SEMA5A: variants seen among roughly 807,000 people sequenced by gnomAD.
The protein encoded by SEMA5A is semaphorin-5A.
SEMA5A carries 55 observed loss-of-function variants against 135.5 expected under a neutral mutation model. That is an observed-to-expected ratio of 0.41 (90% confidence interval 0.33 to 0.51). The LOEUF is 0.51. SEMA5A is among the 20% of genes least tolerant of loss of function. The pLI is 0.37. For missense variants in SEMA5A, 1,290 were observed against 1,419.9 expected (o/e 0.91, Z 1.47); for synonymous variants, 580 against 546.5 (o/e 1.06, Z -0.85).
rs1400996548 is a variant in SEMA5A, at chr5:9,239,928, C to G, written c.271-2038G>C. 3.3e-5 allele frequency among the ~76,000 whole-genome samples: 5 copies of G among 152,048 alleles called. No homozygotes were observed. In the East Asian group the frequency reaches 9.7e-4, roughly 29 times the overall value. ...AGGGCTAAGGAAGAAGAATATTTACCAAATGCCATCAAAATTGTTCAGATC... is the reference window on the plus strand; with the variant it reads ...AGGGCTAAGGAAGAAGAATATTTACGAAATGCCATCAAAATTGTTCAGATC... On this transcript the variant is annotated intron_variant, in intron 5 of 22. Coordinates refer to ENST00000382496, the MANE Select transcript of SEMA5A (RefSeq NM_003966.3).
At chr5:9,438,654 C>G (rs1395292468) in intron 1 of SEMA5A, among the ~76,000 whole-genome samples, 1 of 152,140 alleles carries the variant, frequency 6.6e-6, no homozygotes, top group Non-Finnish European at 1.5e-5. Flanking sequence ...ATGCTTTTTT[C>G]TGTTCTCTTC....
At chr5:9,512,959 C>T (rs1736289564) in intron 1 of SEMA5A, among the ~76,000 whole-genome samples, 1 of 151,398 alleles carries the variant, frequency 6.6e-6, no homozygotes, top group South Asian at 2.1e-4. Flanking sequence ...AGTTCTGTGC[C>T]AAAGCAAGGA....
At chr5:9,353,087 AGGAAAGGAAGGAAG>A (rs1561176584) in intron 3 of SEMA5A, among the ~76,000 whole-genome samples, 1 of 15,284 alleles carries the variant, frequency 6.5e-5, no homozygotes, top group African/African-American at 2.1e-4. Context: ...AGGAAAGGAA[AGGAAAGGAAGGAAG>A]GAAAGGAAAG....
chr5:9,078,703 T>C (rs1738206119), intron 16 of SEMA5A, among the ~76,000 whole-genome samples: 1 of 152,038 alleles, frequency 6.6e-6, no homozygotes. Flanking sequence ...TACAGACACA[T>C]AAACATACTT....
At position 9,057,235 on chromosome 5, in the gene SEMA5A, G is replaced by A. The variant is rs955230360; in HGVS notation, c.2519-2978C>T. 1.8e-4 allele frequency among the ~76,000 whole-genome samples: 27 copies of A among 152,218 alleles called. 1 individual carries two copies. The highest frequency in any genetic ancestry group is 5.9e-4 in the Admixed American group (9 of 15,290). On this transcript the variant is annotated intron_variant, in intron 18 of 22. Transcript: ENST00000382496. ...TTGTATACCTATACTTAACAATACC[G>A]TATTGTGCACTCAAAAATCTGTTAA... is the stretch of plus-strand genomic sequence containing the variant.
intron 11 of SEMA5A, among the ~76,000 whole-genome samples, chr5:9,158,182 T>C (rs1468757016): frequency 6.6e-6 from 1 of 152,210 alleles, no homozygotes; most frequent in South Asian, 2.1e-4. Flanking sequence ...CCACATTTGC[T>C]AAAGAGCGCT....
intron 16 of SEMA5A, among the ~76,000 whole-genome samples, chr5:9,080,302 A>G (rs1327484387): frequency 6.6e-6 from 1 of 152,200 alleles, no homozygotes; most frequent in African/African-American, 2.4e-5. Flanking sequence ...ACAAGAACAG[A>G]AAACCTAACA....
chr5:9,055,533 T>A (rs923378698), intron 18 of SEMA5A, among the ~76,000 whole-genome samples: 3 of 152,246 alleles, frequency 2.0e-5, no homozygotes, highest in Admixed American at 6.5e-5. Context: ...CCTGTCATGA[T>A]GTATTACATC....
chr5:9,092,604 A>G (rs886362831), intron 16 of SEMA5A, among the ~76,000 whole-genome samples: 2 of 152,246 alleles, frequency 1.3e-5, no homozygotes, highest in Admixed American at 6.5e-5. Flanking sequence ...TAATTTAAGA[A>G]TATGAACAGG....
chr5:9,268,974 T>G (rs1392146821), intron 5 of SEMA5A, among the ~76,000 whole-genome samples: 1 of 152,152 alleles, frequency 6.6e-6, no homozygotes, highest in Non-Finnish European at 1.5e-5. Flanking sequence ...ATACAACATT[T>G]ACATCGTACA....
chr5:9,376,849 T>A (rs543180483), intron 3 of SEMA5A, among the ~76,000 whole-genome samples: 5 of 152,318 alleles, frequency 3.3e-5, no homozygotes, highest in Admixed American at 2.0e-4. Context: ...GAATGCAAAG[T>A]GGTGCAACCT....
intron 5 of SEMA5A, among the ~76,000 whole-genome samples, chr5:9,288,372 A>C (rs1178234910): frequency 6.6e-6 from 1 of 152,170 alleles, no homozygotes; most frequent in Non-Finnish European, 1.5e-5. Flanking sequence ...CAGGTAACCC[A>C]GTGGCAGCCA....
intron 1 of SEMA5A, among the ~76,000 whole-genome samples, chr5:9,463,477 G>A (rs187688927): frequency 6.6e-6 from 1 of 152,068 alleles, no homozygotes; most frequent in Admixed American, 6.5e-5. Context: ...ACTGTCAGTG[G>A]CAATCATTCT....
At chr5:9,279,407 G>A (rs1408927784) in intron 5 of SEMA5A, among the ~76,000 whole-genome samples, 1 of 152,142 alleles carries the variant, frequency 6.6e-6, no homozygotes, top group Non-Finnish European at 1.5e-5. Flanking sequence ...TAGGTGGAAG[G>A]GACTTGGCTT....
intron 5 of SEMA5A, among the ~76,000 whole-genome samples, chr5:9,266,301 A>G (rs1749680931): frequency 6.6e-6 from 1 of 151,878 alleles, no homozygotes; most frequent in African/African-American, 2.4e-5. Flanking sequence ...CTTCTGTGCT[A>G]AGTATCTTAT....
intron 3 of SEMA5A, among the ~76,000 whole-genome samples, chr5:9,343,049 G>C (rs1205727): frequency 1 from 152,310 of 152,354 alleles, 76,133 homozygotes; most frequent in Non-Finnish European, 1. Flanking sequence ...AAATCACTAC[G>C]CACTCAGTTT....
intron 5 of SEMA5A, among the ~76,000 whole-genome samples, chr5:9,288,006 CTT>C (rs1008787932): frequency 8.6e-5 from 13 of 151,104 alleles, no homozygotes; most frequent in African/African-American, 2.4e-4. Context: ...TTCAAAAACA[CTT>C]ATGGATTAAG....
intron 5 of SEMA5A, among the ~76,000 whole-genome samples, chr5:9,313,755 C>G (rs74743748): frequency 0.013 from 2,024 of 152,158 alleles, 49 homozygotes; most frequent in African/African-American, 0.046. Context: ...CAGTGAAACT[C>G]AAGGATGGGC....
At chr5:9,102,270 T>C (rs1373949535) in intron 16 of SEMA5A, among the ~76,000 whole-genome samples, 1 of 152,240 alleles carries the variant, frequency 6.6e-6, no homozygotes, top group Non-Finnish European at 1.5e-5. Context: ...TGAATAAAAG[T>C]ACACACCATT....
Sources: gnomAD v4.1 joint callset for allele counts (sites outside exome capture counted in the v4.1 genomes callset) on GRCh38, gnomAD v4.1.1 for gene constraint, MANE v1.5 for transcripts, NCBI Gene and HGNC (gene_info 2026-07-23, HGNC 2026-07-21) for gene names.